Variants in TMC1 observed in about 807,000 individuals in gnomAD.
TMC1 encodes the protein transmembrane channel-like protein 1.
A neutral mutation model predicts 105.8 loss-of-function variants in TMC1; 84 were observed. The observed-to-expected ratio is 0.79, with a 90% CI of 0.67 to 0.95. TMC1 has a LOEUF of 0.95. TMC1 is among the 40% of genes least tolerant of loss of function. The probability of loss-of-function intolerance (pLI) is 0.00; values close to 1 mark genes in which losing one functional copy is unlikely to be tolerated. For synonymous variants in TMC1, 315 were observed against 311.5 expected (o/e 1.01, Z -0.12); for missense variants, 817 against 914.1 (o/e 0.89, Z 1.37).
At chr9:72,723,086 A>G (rs752079150) in intron 8 of TMC1, among the ~76,000 whole-genome samples, 2 of 152,214 alleles carry the variant, frequency 1.3e-5, no homozygotes, top group African/African-American at 2.4e-5. Flanking sequence ...GCTGCCTGTG[A>G]GAAGGAAAAA....
chr9:72,540,981 A>G (rs7872257), intron 1 of TMC1, among the ~76,000 whole-genome samples: 17,062 of 152,246 alleles, frequency 0.11, 1,432 homozygotes, highest in African/African-American at 0.23. Flanking sequence ...AATACTACCC[A>G]GCTTTATTAA....
chr9:72,777,809 G>A (rs192919432), intron 13 of TMC1, among the ~76,000 whole-genome samples: 1 of 152,326 alleles, frequency 6.6e-6, no homozygotes, highest in East Asian at 1.9e-4. Flanking sequence ...GAACTAAACA[G>A]TGATAGAATA....
chr9:72,806,999 C>T (rs1053915100), intron 18 of TMC1, among the ~76,000 whole-genome samples: 3 of 152,352 alleles, frequency 2.0e-5, no homozygotes, highest in South Asian at 4.1e-4. Context: ...AACGAGACTC[C>T]GTCTGCAATC....
At chr9:72,793,220 G>A (rs1176968262) in intron 17 of TMC1, among the ~76,000 whole-genome samples, 2 of 152,112 alleles carry the variant, frequency 1.3e-5, no homozygotes, top group African/African-American at 4.8e-5. Flanking sequence ...GGCAAAGCAG[G>A]AGGTTAGACC....
intron 7 of TMC1, among the ~76,000 whole-genome samples, chr9:72,699,405 G>A (rs970391320): frequency 6.6e-6 from 1 of 152,134 alleles, no homozygotes; most frequent in African/African-American, 2.4e-5. Flanking sequence ...TTACCTTTGA[G>A]AAATAGATTT....
chr9:72,706,571 C>T (rs112780779), intron 8 of TMC1, among the ~76,000 whole-genome samples: 1 of 152,064 alleles, frequency 6.6e-6, no homozygotes, highest in Non-Finnish European at 1.5e-5. Flanking sequence ...ATCCCTCATC[C>T]CAATCCCACC....
chr9:72,670,764 C>T (rs1221646879), intron 5 of TMC1, among the ~76,000 whole-genome samples: 3 of 151,968 alleles, frequency 2.0e-5, no homozygotes, highest in South Asian at 4.2e-4. Context: ...GAAGCATAAG[C>T]GAGATGGGAT....
chr9:72,543,419 G>A (rs1823710192), intron 1 of TMC1, among the ~76,000 whole-genome samples: 1 of 152,088 alleles, frequency 6.6e-6, no homozygotes, highest in African/African-American at 2.4e-5. Flanking sequence ...CCTTCTTATT[G>A]GTCTTCATAT....
At chr9:72,681,449 CT>C (rs949625417) in intron 5 of TMC1, among the ~76,000 whole-genome samples, 3 of 151,796 alleles carry the variant, frequency 2.0e-5, no homozygotes, top group African/African-American at 7.2e-5. Context: ...TGTTTTTGTT[CT>C]TTCTGTAGAC....
rs1827468953 is a variant in TMC1 at position 72,745,186 on chromosome 9, G to A, written c.535+2661G>A. ...ATTTATTGAGTACCACCATGAGTCA[G>A]ATGCTCTACAAACATTGTTTCATTT... On this transcript the variant is annotated intron_variant, in intron 10 of 23. Coordinates refer to ENST00000297784, the MANE Select transcript of TMC1 (RefSeq NM_138691.3). Among the ~76,000 whole-genome samples the A allele has an allele frequency of 2.6e-5, 4 of 152,126 alleles. No individual in the cohort carries two copies. The South Asian group carries it at 8.3e-4, about 31-fold the overall frequency.
At chr9:72,660,898 C>T (rs997632985) in intron 5 of TMC1, among the ~76,000 whole-genome samples, 3 of 152,118 alleles carry the variant, frequency 2.0e-5, no homozygotes, top group Non-Finnish European at 2.9e-5. Flanking sequence ...ATACCTTATA[C>T]GAGAACGTAT....
chr9:72,570,229 T>TGTGTGTGTG (rs756068731), intron 1 of TMC1, among the ~76,000 whole-genome samples: 1 of 87,610 alleles, frequency 1.1e-5, no homozygotes, highest in African/African-American at 5.9e-5. Flanking sequence ...GCTCAAAGAG[T>TGTGTGTGTG]AGTGTGTGTG....
chr9:72,646,630 T>A (rs901319259), intron 4 of TMC1, among the ~76,000 whole-genome samples: 50 of 151,960 alleles, frequency 3.3e-4, no homozygotes, highest in African/African-American at 1.1e-3. Context: ...TATTTTTATT[T>A]TTTATTTATT....
chr9:72,567,243 G>T (rs1232907678), intron 1 of TMC1, among the ~76,000 whole-genome samples: 1 of 152,250 alleles, frequency 6.6e-6, no homozygotes, highest in East Asian at 1.9e-4. Context: ...TCATGGTAGG[G>T]TTTATCACGG....
chr9:72,582,393 C>T (rs1279938943), intron 2 of TMC1, among the ~76,000 whole-genome samples: 1 of 152,222 alleles, frequency 6.6e-6, no homozygotes, highest in Non-Finnish European at 1.5e-5. Context: ...TTCCCCCCAG[C>T]CCACCAGAAT....
intron 8 of TMC1, among the ~76,000 whole-genome samples, chr9:72,716,778 G>A (rs1826927563): frequency 6.6e-6 from 1 of 152,132 alleles, no homozygotes; most frequent in African/African-American, 2.4e-5. Flanking sequence ...GAATGGTTCT[G>A]TCTCACTGAC....
intron 5 of TMC1, among the ~76,000 whole-genome samples, chr9:72,685,361 CA>C (rs1358972924): frequency 1.6e-4 from 17 of 106,222 alleles, no homozygotes; most frequent in Admixed American, 1.1e-3. Flanking sequence ...CCGCCTTGGC[CA>C]TTTTTTTTTT....
intron 1 of TMC1, among the ~76,000 whole-genome samples, chr9:72,525,317 G>A (rs1195293437): frequency 6.6e-6 from 1 of 152,142 alleles, no homozygotes; most frequent in Non-Finnish European, 1.5e-5. Flanking sequence ...CTCACTCCTT[G>A]TCACTGCTTC....
rs1296968243 is a variant in TMC1, at chr9:72,837,758, TATC to T, written c.*1786_*1788del. 1 of 152,212 alleles carries T rather than the reference TATC, an allele frequency of 6.6e-6. No homozygotes were observed. The highest frequency in any genetic ancestry group is 1.9e-4 in the East Asian group (1 of 5,198). 9.4% of individuals were successfully genotyped at this position (152,212 alleles called of 1,614,324 possible). Reference sequence around the variant, plus strand: ...CTGCAGTTGACTTACTGATTTCTATTATCCTGTCTCTGAGTTTCTCATTCTTTT... The same window carrying T: ...CTGCAGTTGACTTACTGATTTCTATTCTGTCTCTGAGTTTCTCATTCTTTT... On this transcript the variant is annotated 3_prime_UTR_variant, in exon 24 of 24. Transcript: ENST00000297784.
Sources: allele counts gnomAD v4.1 joint callset (sites outside exome capture counted in the v4.1 genomes callset), GRCh38; gene constraint gnomAD v4.1.1; transcripts MANE v1.5; gene names NCBI Gene and HGNC (gene_info 2026-07-23, HGNC 2026-07-21).